Variants in SMCHD1 observed in about 807,000 individuals in gnomAD.
SMCHD1 encodes the protein structural maintenance of chromosomes flexible hinge domain containing 1.
Under a neutral mutation model 254.7 loss-of-function variants are expected in SMCHD1, and 78 were observed. That is an observed-to-expected ratio of 0.31 (90% CI 0.26 to 0.37). SMCHD1 has a LOEUF of 0.37. Ranked by LOEUF, SMCHD1 falls within the 10% of genes least tolerant of loss-of-function variation. The pLI, the probability that SMCHD1 is intolerant of heterozygous loss-of-function variation, is 1.00. For missense variants in SMCHD1, 1,840 were observed against 2,408.1 expected, an observed-to-expected ratio of 0.76 and a Z score of 4.94; for synonymous variants, 766 against 794.9, an observed-to-expected ratio of 0.96 and a Z score of 0.61.
At chr18:2,692,850 A>G (rs1401811394) in intron 7 of SMCHD1, among the ~76,000 whole-genome samples, 1 of 152,194 alleles carries the variant, frequency 6.6e-6, no homozygotes, top group East Asian at 1.9e-4. Flanking sequence ...GCACTGTCTT[A>G]TTTATCTTGA....
intron 44 of SMCHD1, among the ~76,000 whole-genome samples, chr18:2,781,019 T>G (rs1205292992): frequency 6.6e-6 from 1 of 152,198 alleles, no homozygotes; most frequent in Non-Finnish European, 1.5e-5. Flanking sequence ...TAATGCCAGA[T>G]TTTTGCAGTG....
chr18:2,696,946 A>G (rs1397476264), intron 8 of SMCHD1, 86 bp from the exon 9 acceptor site: 14 of 625,570 alleles, frequency 2.2e-5, no homozygotes, highest in Non-Finnish European at 3.5e-5. Flanking sequence ...TACCTAGTAA[A>G]TAGTGTTAAA....
In SMCHD1 at chr18:2,802,633, TGACTTACCA is replaced by T; in HGVS notation, c.*86_*94del. On this transcript the variant is annotated 3_prime_UTR_variant, in exon 48 of 48. Transcript: ENST00000320876. Reference sequence around the variant, plus strand: ...TCTCTGTTTCAGAAGACCAAGAGGGTGACTTACCAGACTGAGTATTTCTGGGGACAATAC... The same window carrying T: ...TCTCTGTTTCAGAAGACCAAGAGGGTGACTGAGTATTTCTGGGGACAATAC... 2 of 1,337,318 alleles carry T rather than the reference TGACTTACCA, an allele frequency of 1.5e-6. No homozygotes were observed. The highest frequency in any genetic ancestry group is 2.0e-6 in the Non-Finnish European group (2 of 977,874). 82.8% of individuals were successfully genotyped at this position (1,337,318 alleles called of 1,614,324 possible).
At chr18:2,725,889 T>C (rs2075018630) in intron 21 of SMCHD1, among the ~76,000 whole-genome samples, 1 of 151,886 alleles carries the variant, frequency 6.6e-6, no homozygotes, top group South Asian at 2.1e-4. Flanking sequence ...AGTTCGAAGA[T>C]AGTATAGAGA....
intron 34 of SMCHD1, among the ~76,000 whole-genome samples, chr18:2,755,828 A>C (rs904554526): frequency 4.6e-5 from 7 of 151,940 alleles, no homozygotes; most frequent in Non-Finnish European, 1.0e-4. Context: ...TGGCCTCCCA[A>C]AGTGCTGGGA....
intron 23 of SMCHD1, chr18:2,728,833 C>T: frequency 5.2e-6 from 2 of 386,284 alleles, no homozygotes; most frequent in East Asian, 4.7e-5. Flanking sequence ...CACCTCTCCT[C>T]TCTTGACTCC....
In SMCHD1 at chr18:2,804,708, C is replaced by A. The variant is rs544897756; in HGVS notation, c.*2156C>A. 7.2e-5 allele frequency: 11 copies of A among 152,234 alleles called. No individual in the cohort carries two copies. The East Asian group carries it at 1.3e-3, about 19-fold the overall frequency. The allele number at this position is 152,234 out of a possible 1,614,324, so 9.4% of individuals were successfully genotyped here. On this transcript the variant is annotated 3_prime_UTR_variant, in exon 48 of 48. Transcript: ENST00000320876. ...TAAGGAATCCTTTTCTACATTTGAGCAAATACTGAGGTTCATGTTGTACCA... is the reference window on the plus strand; with the variant it reads ...TAAGGAATCCTTTTCTACATTTGAGAAAATACTGAGGTTCATGTTGTACCA...
In SMCHD1 at chr18:2,748,342, TTGTGTGTGTGTG is replaced by T. The variant is rs1199860810; in HGVS notation, c.3927+725_3927+736del. ...GGAAAAGCTGCTAGTCTTTGCAAAG[TTGTGTGTGTGTG>T]TGTGTGTGTGTGTGTGTGTGTGTGT... On this transcript the variant is annotated intron_variant, in intron 30 of 47. Transcript: ENST00000320876. Among the ~76,000 whole-genome samples the T allele has an allele frequency of 4.5e-4, 35 of 78,462 alleles. 3 individuals are homozygous for T. The highest frequency in any genetic ancestry group is 6.7e-4 in the African/African-American group (12 of 17,822). 51.5% of individuals were successfully genotyped at this position (78,462 alleles called of 152,430 possible). A position where few individuals can be genotyped will look rare whatever the true frequency, so the allele number is the denominator to read the frequency against.
chr18:2,708,035 A>G, intron 17 of SMCHD1, 115 bp downstream of exon 17: 1 of 565,426 alleles, frequency 1.8e-6, no homozygotes, highest in East Asian at 3.2e-5. Flanking sequence ...AGCAAATTTT[A>G]TTGAAGTTAG....
intron 1 of SMCHD1, among the ~76,000 whole-genome samples, chr18:2,658,884 A>ATATACACATATATACGTG (rs1408361133): frequency 1.3e-5 from 2 of 149,466 alleles, no homozygotes; most frequent in East Asian, 3.9e-4. Context: ...ATACACACAT[A>ATATACACATATATACGTG]TATACACATA....
chr18:2,757,119 A>G (rs1261217925), intron 34 of SMCHD1, among the ~76,000 whole-genome samples: 1 of 152,184 alleles, frequency 6.6e-6, no homozygotes, highest in African/African-American at 2.4e-5. Flanking sequence ...GTGTATATGT[A>G]TGTAGAGCTG....
chr18:2,672,109 C>G (rs1180913961), intron 3 of SMCHD1, among the ~76,000 whole-genome samples: 2 of 152,140 alleles, frequency 1.3e-5, no homozygotes. Context: ...TTACCTTAGC[C>G]AGATTACCCT....
intron 41 of SMCHD1, among the ~76,000 whole-genome samples, chr18:2,773,661 C>T (rs1195778123): frequency 6.6e-6 from 1 of 152,162 alleles, no homozygotes; most frequent in Non-Finnish European, 1.5e-5. Context: ...TTGGCTCACA[C>T]CTGTAATCCC....
chr18:2,708,105 A>T (rs977760092), intron 17 of SMCHD1, among the ~76,000 whole-genome samples, 185 bp downstream of exon 17: 2 of 152,156 alleles, frequency 1.3e-5, no homozygotes, highest in African/African-American at 2.4e-5. Flanking sequence ...TAAGGTTTTT[A>T]AAAAATACTT....
At chr18:2,782,346 A>G (rs1244077700) in intron 44 of SMCHD1, among the ~76,000 whole-genome samples, 1 of 152,216 alleles carries the variant, frequency 6.6e-6, no homozygotes, top group Admixed American at 6.5e-5. Flanking sequence ...GAATCATTAT[A>G]AAAGGAGAGC....
intron 42 of SMCHD1, 79 bp downstream of exon 42, chr18:2,776,003 T>C: frequency 8.0e-7 from 1 of 1,254,044 alleles, no homozygotes; most frequent in South Asian, 1.5e-5. Context: ...TAAAAATGAT[T>C]TCTCTAAAAG....
In SMCHD1 at chr18:2,751,477, A is replaced by G. The variant is rs300293; in HGVS notation, c.4281+84A>G. ...TAAGTCTCCTTTAATGTAAATATAT[A>G]ATGTTATATAAATTTGAGAAATGGA... On this transcript the variant is annotated intron_variant, in intron 33 of 47. Transcript: ENST00000320876. 0.98 allele frequency: 702,942 copies of G among 717,252 alleles called. 344,602 individuals carry two copies. Among genetic ancestry groups the G allele is most frequent in the East Asian group, 1 (31,267 of 31,270 alleles). The allele number at this position is 717,252 out of a possible 1,614,324, so 44.4% of individuals were successfully genotyped here. A position where few individuals can be genotyped will look rare whatever the true frequency, so the allele number is the denominator to read the frequency against.
At position 2,718,582 on chromosome 18, in the gene SMCHD1, G is replaced by A; in HGVS notation, c.2458+148G>A. On this transcript the variant is annotated intron_variant, in intron 19 of 47. Coordinates refer to ENST00000320876, the MANE Select transcript of SMCHD1 (RefSeq NM_015295.3). The surrounding 1 kb of genome is among the most constrained non-coding windows in gnomAD (Gnocchi z 4.6). ...ATTTTCTTACTTACTTTGAGATGGG[G>A]TCTCATTCTGTCACCCAGGCTGGAG... 1 of 663,334 alleles carries A rather than the reference G, an allele frequency of 1.5e-6. No individual in the cohort carries two copies. The allele number at this position is 663,334 out of a possible 1,614,324, so 41.1% of individuals were successfully genotyped here.
intron 7 of SMCHD1, among the ~76,000 whole-genome samples, chr18:2,690,971 A>C (rs114102569): frequency 0.2 from 30,114 of 150,112 alleles, 3,323 homozygotes; most frequent in South Asian, 0.32. Flanking sequence ...AAAAAAAAAA[A>C]AAACCTTTTC....
Sources: allele counts gnomAD v4.1 joint callset (sites outside exome capture counted in the v4.1 genomes callset), GRCh38; gene constraint gnomAD v4.1.1; non-coding constraint Gnocchi (gnomAD v3.1); transcripts MANE v1.5; gene names NCBI Gene and HGNC (gene_info 2026-07-23, HGNC 2026-07-21).